The following RALGAPA1 variants were observed in gnomAD, a reference collection of about 807,000 sequenced individuals.
RALGAPA1 encodes the protein Ral GTPase activating protein catalytic subunit alpha 1, also known as ral GTPase-activating protein subunit alpha-1.
A neutral mutation model predicts 269.6 loss-of-function variants in RALGAPA1; 52 were observed. The ratio of observed to expected loss-of-function variants is 0.19; its 90% confidence interval spans 0.15 to 0.24. RALGAPA1 has a LOEUF of 0.24. Ranked by LOEUF, RALGAPA1 falls within the 10% of genes least tolerant of loss-of-function variation. RALGAPA1 has a pLI of 1.00. For missense variants in RALGAPA1, 1,917 were observed against 3,013.9 expected (o/e 0.64, Z 8.52); for synonymous variants, 817 against 1,008.3 (o/e 0.81, Z 3.60).
intron 33 of RALGAPA1, among the ~76,000 whole-genome samples, chr14:35,628,466 A>G (rs1463618113): frequency 6.6e-6 from 1 of 152,252 alleles, no homozygotes; most frequent in Non-Finnish European, 1.5e-5. Context: ...GTCTCCCACA[A>G]CAACAAAACA....
intron 35 of RALGAPA1, among the ~76,000 whole-genome samples, chr14:35,612,420 A>C (rs1356328294): frequency 6.6e-6 from 1 of 151,772 alleles, no homozygotes; most frequent in African/African-American, 2.4e-5. Flanking sequence ...CATATAAAAA[A>C]TTGAATCAAA....
chr14:35,563,953 G>C (rs754248220), intron 39 of RALGAPA1, among the ~76,000 whole-genome samples: 4 of 152,046 alleles, frequency 2.6e-5, no homozygotes, highest in Admixed American at 6.5e-5. Flanking sequence ...AAAATTCTAA[G>C]TACGATTTCT....
intron 35 of RALGAPA1, among the ~76,000 whole-genome samples, chr14:35,613,364 G>A (rs1291149619): frequency 6.6e-6 from 1 of 152,176 alleles, no homozygotes; most frequent in East Asian, 1.9e-4. Context: ...TTACAGGTGT[G>A]AGCCTCCACG....
chr14:35,620,688 A>C (rs1001520292), intron 35 of RALGAPA1, among the ~76,000 whole-genome samples: 1 of 152,232 alleles, frequency 6.6e-6, no homozygotes, highest in Non-Finnish European at 1.5e-5. Context: ...ATCAATGTGC[A>C]AAAATCACAA....
chr14:35,655,290 A>G (rs984470705), intron 29 of RALGAPA1, among the ~76,000 whole-genome samples: 14 of 152,134 alleles, frequency 9.2e-5, no homozygotes, highest in African/African-American at 3.4e-4. Context: ...TAAAACAACA[A>G]TAATATCATG....
At chr14:35,597,704 T>TCTATCCCCTC (rs982152132) in intron 36 of RALGAPA1, among the ~76,000 whole-genome samples, 6 of 152,168 alleles carry the variant, frequency 3.9e-5, no homozygotes, top group African/African-American at 1.4e-4. Flanking sequence ...TCACTCCTAC[T>TCTATCCCCTC]CTATCCCCTC....
chr14:35,736,828 G>A (rs912209790), intron 12 of RALGAPA1, among the ~76,000 whole-genome samples: 1 of 152,138 alleles, frequency 6.6e-6, no homozygotes, highest in Non-Finnish European at 1.5e-5. Flanking sequence ...TTGAGGTCAG[G>A]GGTTTAAGAC....
At position 35,654,400 on chromosome 14, in the gene RALGAPA1, A is replaced by T. The variant is rs759402765; in HGVS notation, c.5574T>A (p.Ile1858=). 1.2e-6 allele frequency: 2 copies of T among 1,602,592 alleles called. No individual in the cohort carries two copies. Among genetic ancestry groups the T allele is most frequent in the Non-Finnish European group, 1.7e-6 (2 of 1,176,932 alleles). Residue 1858 remains isoleucine, a synonymous_variant, in exon 30 of 42, where the codon ATT becomes ATA. Transcript: ENST00000680220. ...TTTTCAAGGGAGAATCAGGCTGGTA[A>T]ATCTGAAGTCTAGGTACATAATGAA... ...MLVHYVPRLQ[I]YQPDSPLKII... is the part of the protein sequence containing the mutation.
intron 16 of RALGAPA1, chr14:35,716,121 T>C (rs143520763): frequency 6.1e-6 from 6 of 982,252 alleles, no homozygotes; most frequent in African/African-American, 5.2e-5. Flanking sequence ...TGGTGAGGCA[T>C]GGTGGCTCAT....
At chr14:35,739,202 C>T (rs2071327006) in intron 11 of RALGAPA1, among the ~76,000 whole-genome samples, 1 of 152,210 alleles carries the variant, frequency 6.6e-6, no homozygotes, top group Non-Finnish European at 1.5e-5. Context: ...AAAGTACAAA[C>T]AGAAATGCCA....
chr14:35,580,812 C>G (rs1418158910), intron 37 of RALGAPA1, among the ~76,000 whole-genome samples: 1 of 152,140 alleles, frequency 6.6e-6, no homozygotes, highest in South Asian at 2.1e-4. Flanking sequence ...ATAAATAATT[C>G]TAGCTTGCCA....
At chr14:35,663,333 C>A (rs1291773238) in intron 27 of RALGAPA1, among the ~76,000 whole-genome samples, 1 of 151,262 alleles carries the variant, frequency 6.6e-6, no homozygotes. Flanking sequence ...ATAAACGTAA[C>A]AAAGAGATAT....
intron 5 of RALGAPA1, 55 bp from the exon 6 acceptor site, chr14:35,761,061 C>A (rs2073655969): frequency 7.3e-7 from 1 of 1,374,850 alleles, no homozygotes. Context: ...ATATTTTCTT[C>A]CTTTGAAAAA....
chr14:35,738,934 C>A (rs1263845800), intron 11 of RALGAPA1, among the ~76,000 whole-genome samples: 2 of 152,058 alleles, frequency 1.3e-5, no homozygotes, highest in African/African-American at 4.8e-5. Context: ...AATGTATAAA[C>A]CTCCCTTTCA....
At chr14:35,645,346 G>GGGGTGTGTGTGT (rs71445953) in intron 31 of RALGAPA1, among the ~76,000 whole-genome samples, 21 of 129,564 alleles carry the variant, frequency 1.6e-4, no homozygotes, top group African/African-American at 4.5e-4. Flanking sequence ...TATAGAGATG[G>GGGGTGTGTGTGT]GTGTGTGTGT....
intron 12 of RALGAPA1, among the ~76,000 whole-genome samples, chr14:35,730,651 G>A (rs2070390131): frequency 6.7e-6 from 1 of 149,602 alleles, no homozygotes; most frequent in South Asian, 2.1e-4. Context: ...ACTCAGCAGA[G>A]GCAGCCATAA....
At chr14:35,676,658 C>T (rs547744811) in intron 22 of RALGAPA1, 18 of 152,098 alleles carry the variant, frequency 1.2e-4, no homozygotes, top group Admixed American at 9.8e-4. Flanking sequence ...ATTGTGGTTA[C>T]GCAGAAAACA....
At position 35,627,624 on chromosome 14, in the gene RALGAPA1, A is replaced by T. The variant is rs1319141723; in HGVS notation, c.6323T>A (p.Leu2108His). The T allele has an allele frequency of 6.3e-7, 1 of 1,587,086 alleles. No homozygotes were observed. The highest frequency in any genetic ancestry group is 1.4e-5 in the African/African-American group (1 of 73,808). Reference sequence around the variant, plus strand: ...AGAATCCCATGAATATTTTCCAGAGAGATCACGTACTATGATTCTGACATT... The same window carrying T: ...AGAATCCCATGAATATTTTCCAGAGTGATCACGTACTATGATTCTGACATT... ...NSNVRIIVRD[L>H]SGKYSWDSAI... Residue 2108 changes from leucine (L) to histidine (H), a missense_variant, in exon 34 of 42, where the codon CTC (leucine) becomes CAC (histidine). By Grantham distance (99) the Leu-to-His change is moderately conservative (BLOSUM62 -3). Coordinates refer to ENST00000680220, the MANE Select transcript of RALGAPA1 (RefSeq NM_001346249.2).
At chr14:35,547,426 C>T (rs868723713) in intron 41 of RALGAPA1, among the ~76,000 whole-genome samples, 9 of 152,016 alleles carry the variant, frequency 5.9e-5, no homozygotes, top group African/African-American at 1.2e-4. Context: ...TGGTAAACAA[C>T]GACACATGAG....
Sources: allele counts gnomAD v4.1 joint callset (sites outside exome capture counted in the v4.1 genomes callset), GRCh38; gene constraint gnomAD v4.1.1; transcripts MANE v1.5; gene names NCBI Gene and HGNC (gene_info 2026-07-23, HGNC 2026-07-21).